WDR20: variants seen among roughly 807,000 people sequenced by gnomAD.
WDR20 encodes the protein WD repeat-containing protein 20.
In WDR20, 3 loss-of-function variants were observed where a neutral mutation model predicts 38.7. That is an observed-to-expected ratio of 0.08 (90% CI 0.04 to 0.20). WDR20 has a LOEUF of 0.20. WDR20 is among the 10% of genes least tolerant of loss of function. The pLI is 1.00. For missense variants in WDR20, 559 were observed against 727.7 expected (o/e 0.77, Z 2.67); for synonymous variants, 298 against 285.6 (o/e 1.04, Z -0.44).
rs1428373928 is a variant in WDR20, at chr14:102,207,480, C to G, written c.433-1123C>G. Among the ~76,000 whole-genome samples, 1 of 152,242 alleles carries G rather than the reference C, an allele frequency of 6.6e-6. No homozygotes were observed. The highest frequency in any genetic ancestry group is 6.5e-5 in the Admixed American group (1 of 15,292). On this transcript the variant is annotated intron_variant, in intron 2 of 2. Coordinates refer to ENST00000342702, the MANE Select transcript of WDR20 (RefSeq NM_144574.4). The surrounding 1 kb of genome is among the most constrained non-coding windows in gnomAD (Gnocchi z 5.0). ...CTGTGTGCCCAGTACCCCTCTGAGA[C>G]TTGAGTCAGGGACTCCCCACCTGTT...
At chr14:102,145,767 T>A (rs1284246182) in intron 1 of WDR20, among the ~76,000 whole-genome samples, 1 of 80,108 alleles carries the variant, frequency 1.2e-5, no homozygotes, top group East Asian at 1.1e-3. Context: ...TGAGAGCCTG[T>A]TTCAAAAAAA....
intron 1 of WDR20, among the ~76,000 whole-genome samples, chr14:102,161,745 C>T (rs944034300): frequency 1.3e-5 from 2 of 151,914 alleles, no homozygotes; most frequent in Non-Finnish European, 2.9e-5. Context: ...TGTTTCAGCC[C>T]GGTTTAGGTG....
At chr14:102,145,903 AGTG>A (rs1240499466) in intron 1 of WDR20, among the ~76,000 whole-genome samples, 1 of 152,198 alleles carries the variant, frequency 6.6e-6, no homozygotes, top group East Asian at 1.9e-4. Context: ...AAGTTACTGA[AGTG>A]GTAACTACAG....
At chr14:102,210,551 G>C, downstream of WDR20, 1 of 985,322 alleles carries the variant, frequency 1.0e-6, no homozygotes, top group Non-Finnish European at 1.2e-6. Context: ...CTTTGATTGA[G>C]GTTCTGTGTA....
intron 1 of WDR20, among the ~76,000 whole-genome samples, chr14:102,144,170 C>T (rs768511506): frequency 6.6e-6 from 1 of 151,900 alleles, no homozygotes; most frequent in Non-Finnish European, 1.5e-5. Flanking sequence ...GAATGAGACC[C>T]TTTCTTTAAA....
chr14:102,213,250 C>T, downstream of WDR20: 3 of 985,448 alleles, frequency 3.0e-6, no homozygotes, highest in South Asian at 9.4e-5. Flanking sequence ...ATTAAAAATT[C>T]CCCCAGCGGC....
chr14:102,217,380 G>A (rs1053637144), downstream of WDR20, among the ~76,000 whole-genome samples: 5 of 152,204 alleles, frequency 3.3e-5, no homozygotes, highest in Admixed American at 1.3e-4. Flanking sequence ...CTTCATCTGC[G>A]TGGTCTTTCC....
At position 102,209,075 on chromosome 14, in the gene WDR20, G is replaced by A; in HGVS notation, c.905G>A (p.Gly302Glu). 6.2e-7 allele frequency: 1 copy of A among 1,614,158 alleles called. No homozygotes were observed. Among genetic ancestry groups the A allele is most frequent in the Non-Finnish European group, 8.5e-7 (1 of 1,180,022 alleles). The change falls in exon 3 of 3, where the codon GGG becomes GAG. Residue 302 changes from glycine (G) to glutamate (E), a missense_variant. Physicochemically the swap from Gly to Glu is moderately conservative, Grantham distance 98. Transcript: ENST00000342702. The surrounding 1 kb of genome is among the most constrained non-coding windows in gnomAD (Gnocchi z 6.0). ...TGCCGAGTAATAGCCAGAGGCCACG[G>A]GCACAAGTCCTGGGTCAGTGTTGTA... ...VDCRVIARGH[G>E]HKSWVSVVAF... is the part of the protein sequence containing the mutation.
At chr14:102,139,768 C>T (rs1200015900), upstream of WDR20, 5 of 1,151,840 alleles carry the variant, frequency 4.3e-6, no homozygotes, top group East Asian at 1.2e-4. Flanking sequence ...AACAAGCCCA[C>T]CCCTTCCCTT....
intron 1 of WDR20, among the ~76,000 whole-genome samples, chr14:102,170,338 A>G (rs1394298744): frequency 6.6e-6 from 1 of 152,232 alleles, no homozygotes; most frequent in Admixed American, 6.5e-5. Flanking sequence ...TATCTGAGGA[A>G]TAAATTCCTG....
At chr14:102,213,686 C>T (rs1244841307), downstream of WDR20, 13 of 985,354 alleles carry the variant, frequency 1.3e-5, no homozygotes, top group African/African-American at 1.7e-5. Context: ...CCAGTTCCTC[C>T]ACTTCCTGGG....
At position 102,159,922 on chromosome 14, in the gene WDR20, T is replaced by C. The variant is rs531674589; in HGVS notation, c.249+19750T>C. Among the ~76,000 whole-genome samples, 7 of 152,182 alleles carry C rather than the reference T, an allele frequency of 4.6e-5. No homozygotes were observed. The South Asian group carries it at 1.5e-3, about 32-fold the overall frequency. ...GAATTTGAGACCAGCCTGGGCAACATTGTGAGACCCTGTCTTTACAAAAAA... is the reference window on the plus strand; with the variant it reads ...GAATTTGAGACCAGCCTGGGCAACACTGTGAGACCCTGTCTTTACAAAAAA... On this transcript the variant is annotated intron_variant, in intron 1 of 2. Transcript: ENST00000342702.
At chr14:102,217,900 C>T (rs1356054053), downstream of WDR20, among the ~76,000 whole-genome samples, 1 of 152,228 alleles carries the variant, frequency 6.6e-6, no homozygotes, top group Non-Finnish European at 1.5e-5. Context: ...TCGTGTTCTC[C>T]CCAGGGTGAG....
chr14:102,200,150 A>T (rs548281697), intron 2 of WDR20, among the ~76,000 whole-genome samples: 2 of 152,324 alleles, frequency 1.3e-5, no homozygotes, highest in Admixed American at 1.3e-4. Flanking sequence ...AGACCCAAAG[A>T]AAGTCGAATG....
upstream of WDR20, chr14:102,139,863 C>T (rs908993608): frequency 1.9e-6 from 3 of 1,585,000 alleles, no homozygotes; most frequent in Non-Finnish European, 2.6e-6. Flanking sequence ...GCACCAGGAA[C>T]AGCGCCTGCG....
chr14:102,210,195 C>G lies in WDR20; in HGVS notation c.*315C>G, dbSNP rs968269538. On this transcript the variant is annotated 3_prime_UTR_variant, in exon 3 of 3. Coordinates refer to ENST00000342702, the MANE Select transcript of WDR20 (RefSeq NM_144574.4). ...GGAAAATCATGACCATGTGGGGAAA[C>G]AATGACTTTAAAATGCTGAAATTAA... The G allele has an allele frequency of 5.7e-5, 60 of 1,060,024 alleles. No individual in the cohort carries two copies. In the African/African-American group the frequency reaches 8.2e-4, roughly 15 times the overall value. The allele number at this position is 1,060,024 out of a possible 1,614,324, so 65.7% of individuals were successfully genotyped here.
intron 1 of WDR20, among the ~76,000 whole-genome samples, chr14:102,173,456 TTATTATTATTATTATTATTA>T (rs1566913224): frequency 6.9e-6 from 1 of 145,020 alleles, no homozygotes; most frequent in Non-Finnish European, 1.5e-5. Context: ...ATTATTATTA[TTATTATTATTATTATTATTA>T]TTATTTTTAT....
In WDR20 at chr14:102,208,732, C is replaced by T. The variant is rs1414682402; in HGVS notation, c.562C>T (p.Pro188Ser). The change falls in exon 3 of 3, where the codon CCC becomes TCC. Residue 188 changes from proline (P) to serine (S), a missense_variant. Transcript: ENST00000342702. This position sits in a 1 kb window ranked among gnomAD's most constrained non-coding sequence, Gnocchi z 5.6. Reference sequence around the variant, plus strand: ...GGAGCACACTTGTGGCACCACAGCCCCCCACTACCAGCTTCTGAAGCAGGG... The same window carrying T: ...GGAGCACACTTGTGGCACCACAGCCTCCCACTACCAGCTTCTGAAGCAGGG... ...NVEHTCGTTAPHYQLLKQGES... is the reference protein window; with the variant it reads ...NVEHTCGTTASHYQLLKQGES... 4.3e-6 allele frequency: 7 copies of T among 1,614,070 alleles called. No individual in the cohort carries two copies. In the Admixed American group the frequency reaches 8.3e-5, roughly 19 times the overall value.
chr14:102,186,495 T>C (rs529918297), intron 1 of WDR20, among the ~76,000 whole-genome samples: 2 of 152,274 alleles, frequency 1.3e-5, no homozygotes, highest in African/African-American at 2.4e-5. Context: ...GAATATCAGC[T>C]CTGATTGGCC....
Sources: gnomAD v4.1 joint callset for allele counts (sites outside exome capture counted in the v4.1 genomes callset) on GRCh38, gnomAD v4.1.1 for gene constraint, Gnocchi (gnomAD v3.1) non-coding constraint, MANE v1.5 for transcripts, NCBI Gene and HGNC (gene_info 2026-07-23, HGNC 2026-07-21) for gene names.